TRIM37: variants seen among roughly 807,000 people sequenced by gnomAD.
TRIM37 encodes the protein tripartite motif containing 37, also known as E3 ubiquitin-protein ligase TRIM37.
A neutral mutation model predicts 129.8 loss-of-function variants in TRIM37; 80 were observed. That is an observed-to-expected ratio of 0.62 (90% confidence interval 0.51 to 0.74). TRIM37 has a LOEUF of 0.74. Ranked by LOEUF, TRIM37 falls within the 30% of genes least tolerant of loss-of-function variation. TRIM37 has a pLI of 0.00. For synonymous variants in TRIM37, 389 were observed against 387.1 expected (o/e 1.00, Z -0.06); for missense variants, 1,054 against 1,176.5 (o/e 0.90, Z 1.52).
intron 23 of TRIM37, among the ~76,000 whole-genome samples, chr17:59,000,778 T>C (rs1417994619): frequency 6.6e-6 from 1 of 152,164 alleles, no homozygotes; most frequent in Non-Finnish European, 1.5e-5. Context: ...GTTAAAGTTA[T>C]CTTACAGTAG....
intron 2 of TRIM37, among the ~76,000 whole-genome samples, chr17:59,097,420 A>C (rs1425276332): frequency 6.6e-6 from 1 of 152,228 alleles, no homozygotes; most frequent in African/African-American, 2.4e-5. Flanking sequence ...TAAAGCTAAT[A>C]AACACAACAG....
intron 2 of TRIM37, among the ~76,000 whole-genome samples, chr17:59,099,696 G>A (rs2045276309): frequency 6.6e-6 from 1 of 152,194 alleles, no homozygotes; most frequent in Admixed American, 6.5e-5. Flanking sequence ...ACACGTCCCT[G>A]AGAATGGCTA....
chr17:59,091,659 T>C (rs1033412750), intron 2 of TRIM37, among the ~76,000 whole-genome samples: 3 of 139,522 alleles, frequency 2.2e-5, no homozygotes, highest in African/African-American at 5.3e-5. Context: ...TATTTATATA[T>C]ATAAAATACT....
At chr17:59,093,111 C>T (rs531708693) in intron 2 of TRIM37, among the ~76,000 whole-genome samples, 2 of 152,018 alleles carry the variant, frequency 1.3e-5, no homozygotes, top group South Asian at 2.1e-4. Context: ...GACAGCGCCA[C>T]GGCACTACAG....
chr17:59,083,946 A>G (rs1042129677), intron 5 of TRIM37, 56 bp downstream of exon 5: 14 of 1,382,288 alleles, frequency 1.0e-5, no homozygotes, highest in Middle Eastern at 3.5e-4. Flanking sequence ...CTGAATAAGT[A>G]TTTCAGTGCC....
At chr17:59,044,418 C>T (rs1020657643) in intron 16 of TRIM37, among the ~76,000 whole-genome samples, 1 of 151,966 alleles carries the variant, frequency 6.6e-6, no homozygotes, top group African/African-American at 2.4e-5. Context: ...AAAAATTAGT[C>T]GGGCGTAGTG....
chr17:59,056,457 C>T (rs1342027779), intron 13 of TRIM37, among the ~76,000 whole-genome samples: 6 of 151,936 alleles, frequency 3.9e-5, no homozygotes, highest in Admixed American at 1.3e-4. Flanking sequence ...GGGCCGGGCA[C>T]GGTGGCTCAC....
intron 7 of TRIM37, among the ~76,000 whole-genome samples, chr17:59,077,955 C>T (rs1422012176): frequency 2.0e-5 from 3 of 151,002 alleles, no homozygotes; most frequent in Admixed American, 6.6e-5. Flanking sequence ...GAAACCCCAT[C>T]TCTACTAAAA....
At chr17:59,022,068 T>G (rs113642214) in intron 19 of TRIM37, among the ~76,000 whole-genome samples, 2 of 152,068 alleles carry the variant, frequency 1.3e-5, no homozygotes, top group Non-Finnish European at 2.9e-5. Context: ...AAATAACATA[T>G]AGTTAAAATA....
At chr17:58,976,674 C>A in the TRIM37 span, among the ~76,000 whole-genome samples, 1 of 152,164 alleles carries the variant, frequency 6.6e-6, no homozygotes, top group Non-Finnish European at 1.5e-5. Context: ...AATGGATATT[C>A]ATGCCCTCCT....
Position 59,091,967 on chromosome 17 carries a change from T to C in TRIM37, c.124-627A>G, listed in dbSNP as rs530431151. 5.7e-4 allele frequency among the ~76,000 whole-genome samples: 86 copies of C among 151,916 alleles called. 1 individual carries two copies. The highest frequency in any genetic ancestry group is 1.1e-3 in the Admixed American group (17 of 15,214). The stretch of plus-strand genomic sequence containing the variant: ...GATGATTTATTTCTATCTAGTTTAC[T>C]ACTAAATTTATTTTTTGAAAAGCTA... On this transcript the variant is annotated intron_variant, in intron 2 of 23. Transcript: ENST00000262294.
At chr17:59,078,940 A>T (rs1007547392) in intron 7 of TRIM37, among the ~76,000 whole-genome samples, 1 of 152,192 alleles carries the variant, frequency 6.6e-6, no homozygotes, top group African/African-American at 2.4e-5. Context: ...CAAATATACA[A>T]ACTCAAAGAT....
chr17:59,060,853 G>A (rs1392709433), intron 12 of TRIM37, among the ~76,000 whole-genome samples, 179 bp downstream of exon 12: 1 of 152,058 alleles, frequency 6.6e-6, no homozygotes, highest in Non-Finnish European at 1.5e-5. Flanking sequence ...AGCAATACAA[G>A]TTTTCTTAAA....
chr17:58,980,939 A>AGTT (rs2031321566), downstream of TRIM37: 2 of 1,614,108 alleles, frequency 1.2e-6, no homozygotes, highest in African/African-American at 1.3e-5. This position sits in a 1 kb window ranked among gnomAD's most constrained non-coding sequence, Gnocchi z 4.7. Flanking sequence ...GAGGCAAAAT[A>AGTT]GTTGGAAAGG....
At chr17:59,048,655 G>A (rs758127822) in intron 15 of TRIM37, among the ~76,000 whole-genome samples, 1 of 151,944 alleles carries the variant, frequency 6.6e-6, no homozygotes, top group African/African-American at 2.4e-5. Context: ...GGAGTGCAGT[G>A]GCACAATCTT....
At chr17:59,101,677 A>AAAAATAT (rs1568265833) in intron 2 of TRIM37, among the ~76,000 whole-genome samples, 1 of 101,558 alleles carries the variant, frequency 9.8e-6, no homozygotes, top group African/African-American at 4.1e-5. Flanking sequence ...AAAAAAAAAA[A>AAAAATAT]ATATATATAT....
intron 10 of TRIM37, 73 bp from the exon 11 acceptor site, chr17:59,062,721 C>A (rs2146531187): frequency 8.2e-7 from 1 of 1,226,620 alleles, no homozygotes; most frequent in African/African-American, 1.5e-5. Flanking sequence ...AAAAGAAAGA[C>A]CAACCAGTTT....
intron 7 of TRIM37, among the ~76,000 whole-genome samples, chr17:59,078,085 A>C (rs1266881090): frequency 6.6e-6 from 1 of 152,252 alleles, no homozygotes; most frequent in South Asian, 2.1e-4. Flanking sequence ...AGATAGTGCC[A>C]CTGCACTCCA....
the TRIM37 span, chr17:58,973,004 C>T: frequency 0.19 from 172,092 of 891,708 alleles, 17,836 homozygotes; most frequent in East Asian, 0.21. Flanking sequence ...TACAGGGAAC[C>T]TGAGATGATA....
Sources: gnomAD v4.1 joint callset for allele counts (sites outside exome capture counted in the v4.1 genomes callset) on GRCh38, gnomAD v4.1.1 for gene constraint, Gnocchi (gnomAD v3.1) non-coding constraint, MANE v1.5 for transcripts, NCBI Gene and HGNC (gene_info 2026-07-23, HGNC 2026-07-21) for gene names.